POLR1A: variants seen among roughly 807,000 people sequenced by gnomAD.
POLR1A encodes the protein RNA polymerase I subunit A.
Under a neutral mutation model 205.3 loss-of-function variants are expected in POLR1A, and 84 were observed. The observed-to-expected ratio is 0.41, with a 90% CI of 0.34 to 0.49. POLR1A has a LOEUF of 0.49. Ranked by LOEUF, POLR1A falls within the 20% of genes least tolerant of loss-of-function variation. POLR1A has a pLI of 0.22. For missense variants in POLR1A, 1,645 were observed against 2,204.5 expected (o/e 0.75, Z 5.08); for synonymous variants, 799 against 863.7 (o/e 0.93, Z 1.31).
intron 26 of POLR1A, 78 bp downstream of exon 26, chr2:86,039,249 A>T: frequency 6.7e-7 from 1 of 1,499,404 alleles, no homozygotes; most frequent in Non-Finnish European, 9.2e-7. Context: ...GCAGTAAGCA[A>T]AGCCTGTTCT....
intron 2 of POLR1A, 84 bp downstream of exon 2, chr2:86,099,884 C>A: frequency 8.3e-7 from 1 of 1,199,204 alleles, no homozygotes; most frequent in Non-Finnish European, 1.2e-6. Context: ...GCTTAACCTC[C>A]TTAGACCACT....
chr2:86,052,807 C>A lies in POLR1A; in HGVS notation c.2392+10G>T. On this transcript the variant is annotated intron_variant, in intron 16 of 33. Transcript: ENST00000263857. The stretch of plus-strand genomic sequence containing the variant: ...GGTCACTGCCCCAGGGCAGCGAGCC[C>A]GGCACTTACCCAAGGTGAAGCCTCT... The A allele has an allele frequency of 6.6e-7, 1 of 1,504,502 alleles. No homozygotes were observed. The highest frequency in any genetic ancestry group is 8.9e-7 in the Non-Finnish European group (1 of 1,121,446). The allele number at this position is 1,504,502 out of a possible 1,614,324, so 93.2% of individuals were successfully genotyped here.
intron 27 of POLR1A, among the ~76,000 whole-genome samples, chr2:86,037,333 CTGGCCAGTG>C (rs1672518306): frequency 6.6e-6 from 1 of 152,250 alleles, no homozygotes; most frequent in Admixed American, 6.5e-5. Context: ...CAGGAAGCAC[CTGGCCAGTG>C]ACCCCCGTCC....
chr2:86,065,619 G>A (rs1168012516), intron 13 of POLR1A, 154 bp from the exon 14 acceptor site: 2 of 647,560 alleles, frequency 3.1e-6, no homozygotes, highest in African/African-American at 1.8e-5. Context: ...TCTTGCTTGG[G>A]AGCCAACTGC....
rs1433127566 is a variant in POLR1A, at chr2:86,051,396, T to C, written c.2392+1421A>G. 2.6e-5 allele frequency among the ~76,000 whole-genome samples: 4 copies of C among 152,052 alleles called. No homozygotes were observed. In the South Asian group the frequency reaches 6.2e-4, roughly 24 times the overall value. On this transcript the variant is annotated intron_variant, in intron 16 of 33. Transcript: ENST00000263857. Reference sequence around the variant, plus strand: ...TTTTTTTAACCTTTCCATGATTAAATATATGATACAATTAAAATAGAATAA... The same window carrying C: ...TTTTTTTAACCTTTCCATGATTAAACATATGATACAATTAAAATAGAATAA...
intron 27 of POLR1A, among the ~76,000 whole-genome samples, chr2:86,038,426 A>G (rs1258958019): frequency 2.6e-5 from 4 of 152,236 alleles, no homozygotes; most frequent in Non-Finnish European, 5.9e-5. Context: ...TAATGCCTGC[A>G]AGCCCCAGAA....
At chr2:86,099,244 C>G (rs747364955) in intron 2 of POLR1A, among the ~76,000 whole-genome samples, 3 of 151,584 alleles carry the variant, frequency 2.0e-5, no homozygotes, top group Non-Finnish European at 4.4e-5. Flanking sequence ...GTAATCCCAG[C>G]TACTAGGGAG....
chr2:86,088,594 T>G lies in POLR1A; in HGVS notation c.702A>C (p.Thr234=). ...TITFPAMVHR[T]AGQKDSEPLG... is the part of the protein sequence containing the mutation. ...GGGGCTCAGAGTCCTTCTGGCCAGC[T>G]GTCCTGTGCACCATGGCTGGAAACG... The change falls in exon 6 of 34, where the codon ACA becomes ACC. Residue 234 remains threonine, a synonymous_variant. Coordinates refer to ENST00000263857, the MANE Select transcript of POLR1A (RefSeq NM_015425.6). 1 of 1,613,922 alleles carries G rather than the reference T, an allele frequency of 6.2e-7. No homozygotes were observed. The highest frequency in any genetic ancestry group is 8.5e-7 in the Non-Finnish European group (1 of 1,179,754).
chr2:86,089,015 C>G (rs979641848), intron 4 of POLR1A, 145 bp from the exon 5 acceptor site: 3 of 605,434 alleles, frequency 5.0e-6, no homozygotes, highest in Admixed American at 2.9e-5. Context: ...TCCATAGAAC[C>G]CTAATACACT....
chr2:86,081,827 T>G, intron 7 of POLR1A, 121 bp from the exon 8 acceptor site: 1 of 639,062 alleles, frequency 1.6e-6, no homozygotes, highest in Non-Finnish European at 2.7e-6. Context: ...TATGTAGAGT[T>G]AAGGTCACAG....
chr2:86,043,397 T>G (rs115328870), intron 22 of POLR1A, among the ~76,000 whole-genome samples: 1,882 of 152,126 alleles, frequency 0.012, 49 homozygotes, highest in African/African-American at 0.043. Context: ...CAAACCAGAT[T>G]TGGGAACCAA....
chr2:86,101,939 C>T (rs1261326531), intron 1 of POLR1A, among the ~76,000 whole-genome samples: 1 of 152,238 alleles, frequency 6.6e-6, no homozygotes, highest in African/African-American at 2.4e-5. Flanking sequence ...CCTCAAGGTT[C>T]ATCCATGTTA....
chr2:86,090,836 C>T (rs927389453), intron 3 of POLR1A, among the ~76,000 whole-genome samples: 2 of 152,268 alleles, frequency 1.3e-5, no homozygotes, highest in African/African-American at 2.4e-5. Context: ...GTCCCAGCTA[C>T]TCCAGATGCT....
At chr2:86,104,637 G>A (rs1182205751) in intron 1 of POLR1A, among the ~76,000 whole-genome samples, 1 of 152,032 alleles carries the variant, frequency 6.6e-6, no homozygotes, top group South Asian at 2.1e-4. Context: ...TAGTAGAGAC[G>A]GGGTTTCACC....
chr2:86,091,912 A>G (rs906236835), intron 3 of POLR1A, among the ~76,000 whole-genome samples: 2 of 152,092 alleles, frequency 1.3e-5, no homozygotes, highest in African/African-American at 4.8e-5. Context: ...TCAGGAGTCC[A>G]AGACCAGCCT....
At chr2:86,061,688 T>A (rs1305252205) in intron 14 of POLR1A, among the ~76,000 whole-genome samples, 7 of 152,180 alleles carry the variant, frequency 4.6e-5, no homozygotes, top group Admixed American at 2.6e-4. Flanking sequence ...AATAGAACAT[T>A]ATAAAGCAAT....
chr2:86,075,963 A>C (rs1673276969), intron 11 of POLR1A, among the ~76,000 whole-genome samples: 1 of 152,216 alleles, frequency 6.6e-6, no homozygotes, highest in Admixed American at 6.5e-5. Flanking sequence ...TCACTAATGC[A>C]TCATGGTGCT....
intron 25 of POLR1A, 83 bp from the exon 26 acceptor site, chr2:86,039,545 G>A (rs1672562100): frequency 2.0e-6 from 3 of 1,515,988 alleles, no homozygotes; most frequent in Admixed American, 3.5e-5. Flanking sequence ...TGATGTCAGA[G>A]TTCTTTTGGA....
chr2:86,071,113 A>C (rs542020806), intron 12 of POLR1A, among the ~76,000 whole-genome samples: 29 of 151,944 alleles, frequency 1.9e-4, no homozygotes, highest in Admixed American at 4.6e-4. Flanking sequence ...ACAAGGCCTA[A>C]AGTGATAGCA....
Sources: allele counts gnomAD v4.1 joint callset (sites outside exome capture counted in the v4.1 genomes callset), GRCh38; gene constraint gnomAD v4.1.1; transcripts MANE v1.5; gene names NCBI Gene and HGNC (gene_info 2026-07-23, HGNC 2026-07-21).